The following QTMAN variants were observed in gnomAD, a reference collection of about 807,000 sequenced individuals.
QTMAN encodes tRNA-queuosine alpha-mannosyltransferase.
the QTMAN span, among the ~76,000 whole-genome samples, chr2:144,246,999 A>G: frequency 6.6e-6 from 1 of 152,242 alleles, no homozygotes; most frequent in African/African-American, 2.4e-5. Context: ...TTATCAATCA[A>G]GTGAGAAAAC....
the QTMAN span, among the ~76,000 whole-genome samples, chr2:144,138,465 GA>G: frequency 6.6e-6 from 1 of 151,996 alleles, no homozygotes; most frequent in Non-Finnish European, 1.5e-5. Flanking sequence ...TATGTTAATA[GA>G]AATAATTCAG....
chr2:143,946,228 C>T, the QTMAN span: 9 of 151,990 alleles, frequency 5.9e-5, no homozygotes, highest in Non-Finnish European at 1.0e-4. Context: ...TCTATTTTTA[C>T]GCTGGGAAAA....
chr2:144,268,280 G>A, the QTMAN span, among the ~76,000 whole-genome samples: 2 of 152,196 alleles, frequency 1.3e-5, no homozygotes, highest in Non-Finnish European at 2.9e-5. Flanking sequence ...ACCAGAAGCA[G>A]ATGCTGGTGC....
At chr2:144,022,283 C>CT in the QTMAN span, among the ~76,000 whole-genome samples, 53 of 150,444 alleles carry the variant, frequency 3.5e-4, no homozygotes, top group African/African-American at 1.2e-3. Context: ...TTCCTATTTT[C>CT]TTTTTTTTTA....
At chr2:144,130,657 C>T in the QTMAN span, among the ~76,000 whole-genome samples, 1 of 151,870 alleles carries the variant, frequency 6.6e-6, no homozygotes, top group African/African-American at 2.4e-5. Flanking sequence ...GTATCTTACA[C>T]ACAATACCTC....
At chr2:143,989,132 T>C in the QTMAN span, among the ~76,000 whole-genome samples, 1 of 152,074 alleles carries the variant, frequency 6.6e-6, no homozygotes, top group Non-Finnish European at 1.5e-5. Flanking sequence ...TCATTTACTA[T>C]AATTATCTTA....
chr2:144,193,131 T>C, the QTMAN span, among the ~76,000 whole-genome samples: 1 of 152,098 alleles, frequency 6.6e-6, no homozygotes, highest in Non-Finnish European at 1.5e-5. Flanking sequence ...ATGAGACAAC[T>C]ATACACCTTT....
chr2:143,996,765 T>C, the QTMAN span, among the ~76,000 whole-genome samples: 2 of 152,056 alleles, frequency 1.3e-5, no homozygotes, highest in South Asian at 4.1e-4. Context: ...TTCACTTATA[T>C]AACAGGACAA....
the QTMAN span, among the ~76,000 whole-genome samples, chr2:144,246,165 C>T: frequency 6.6e-6 from 1 of 152,090 alleles, no homozygotes; most frequent in Admixed American, 6.5e-5. Context: ...CACATGGGCA[C>T]ATGTAAAGTA....
the QTMAN span, among the ~76,000 whole-genome samples, chr2:144,236,309 G>A: frequency 1.3e-5 from 2 of 152,102 alleles, no homozygotes; most frequent in Non-Finnish European, 2.9e-5. Flanking sequence ...CTTTCTGGGA[G>A]AGCAATACAT....
chr2:144,174,373 CT>C, the QTMAN span, among the ~76,000 whole-genome samples: 2 of 152,288 alleles, frequency 1.3e-5, no homozygotes, highest in East Asian at 3.9e-4. Flanking sequence ...ATTTGGTTCC[CT>C]TCTGTCAGGA....
the QTMAN span, among the ~76,000 whole-genome samples, chr2:144,204,586 A>G: frequency 6.6e-6 from 1 of 152,212 alleles, no homozygotes; most frequent in Non-Finnish European, 1.5e-5. Context: ...TCAGCGTGGC[A>G]ATTCCTCAAG....
the QTMAN span, among the ~76,000 whole-genome samples, chr2:144,221,567 T>G: frequency 6.6e-6 from 1 of 152,212 alleles, no homozygotes; most frequent in Non-Finnish European, 1.5e-5. Context: ...TGTTTTCCTC[T>G]TTGTGCTTCA....
the QTMAN span, among the ~76,000 whole-genome samples, chr2:144,055,421 A>G: frequency 2.7e-5 from 4 of 149,000 alleles, no homozygotes; most frequent in Non-Finnish European, 4.5e-5. Flanking sequence ...TTTTTTTTTT[A>G]GGTAATTAAA....
the QTMAN span, among the ~76,000 whole-genome samples, chr2:144,087,829 C>T: frequency 6.6e-6 from 1 of 151,942 alleles, no homozygotes; most frequent in East Asian, 1.9e-4. Flanking sequence ...ACAACAAATC[C>T]ACAGCTCACT....
the QTMAN span, among the ~76,000 whole-genome samples, chr2:144,278,116 G>C: frequency 6.6e-6 from 1 of 152,152 alleles, no homozygotes; most frequent in African/African-American, 2.4e-5. Flanking sequence ...AATTTGAGCA[G>C]AGCATTAGGG....
At chr2:144,244,053 G>A in the QTMAN span, among the ~76,000 whole-genome samples, 15 of 152,188 alleles carry the variant, frequency 9.9e-5, no homozygotes, top group Non-Finnish European at 1.9e-4. Context: ...CCACTAAGGC[G>A]GTCCTAAAAG....
At chr2:144,124,451 T>C in the QTMAN span, among the ~76,000 whole-genome samples, 162 of 152,282 alleles carry the variant, frequency 1.1e-3, no homozygotes, top group African/African-American at 3.7e-3. Context: ...TATAAACTTA[T>C]TTCTAATATT....
the QTMAN span, among the ~76,000 whole-genome samples, chr2:144,126,259 T>A: frequency 1.3e-5 from 2 of 151,756 alleles, no homozygotes; most frequent in East Asian, 3.9e-4. Context: ...TCAACCTTGG[T>A]TTCACAGTAG....
Sources: gnomAD v4.1 joint callset for allele counts (sites outside exome capture counted in the v4.1 genomes callset) on GRCh38, gnomAD v4.1.1 for gene constraint, MANE v1.5 for transcripts, NCBI Gene and HGNC (gene_info 2026-07-23, HGNC 2026-07-21) for gene names.